CLASP2: variants seen among roughly 807,000 people sequenced by gnomAD.
CLASP2 encodes the protein CLIP-associating protein 2.
CLASP2 carries 47 observed loss-of-function variants against 194.4 expected under a neutral mutation model. That is an observed-to-expected ratio of 0.24 (90% CI 0.19 to 0.31). The LOEUF (loss-of-function observed/expected upper bound fraction) is 0.31, where lower values mean the gene tolerates loss of function less well. CLASP2 is among the 10% of genes least tolerant of loss of function. The probability of loss-of-function intolerance (pLI) is 1.00; values close to 1 mark genes in which losing one functional copy is unlikely to be tolerated. For synonymous variants in CLASP2, 619 were observed against 633.5 expected (o/e 0.98, Z 0.34); for missense variants, 1,445 against 1,823.6 (o/e 0.79, Z 3.78).
chr3:33,508,092 T>G (rs1575631382), intron 37 of CLASP2, among the ~76,000 whole-genome samples: 1 of 151,752 alleles, frequency 6.6e-6, no homozygotes, highest in African/African-American at 2.4e-5. Context: ...ATTCCCAGGC[T>G]CAGGTGATTC....
chr3:33,673,211 T>C (rs1266851120), intron 6 of CLASP2, among the ~76,000 whole-genome samples: 1 of 151,762 alleles, frequency 6.6e-6, no homozygotes, highest in Admixed American at 6.6e-5. Context: ...GGTTACCCAC[T>C]AAGGGAAGCC....
intron 25 of CLASP2, 81 bp from the exon 26 acceptor site, chr3:33,570,871 TTAAA>T: frequency 8.9e-7 from 1 of 1,119,526 alleles, no homozygotes; most frequent in Non-Finnish European, 1.2e-6. Flanking sequence ...ATAATTTTCT[TTAAA>T]AAAAAAAAAA....
intron 30 of CLASP2, among the ~76,000 whole-genome samples, chr3:33,549,083 C>T (rs2059604164): frequency 2.7e-5 from 4 of 150,396 alleles, no homozygotes; most frequent in Non-Finnish European, 1.5e-5. Context: ...TGTGCCACCA[C>T]ACCCAGCACA....
At chr3:33,625,476 T>C (rs1207541127) in intron 10 of CLASP2, among the ~76,000 whole-genome samples, 1 of 150,674 alleles carries the variant, frequency 6.6e-6, no homozygotes, top group Non-Finnish European at 1.5e-5. Flanking sequence ...GCCTGACATC[T>C]ATACCAGGTG....
intron 6 of CLASP2, chr3:33,683,130 T>G (rs2090095433): frequency 6.6e-6 from 1 of 152,204 alleles, no homozygotes; most frequent in African/African-American, 2.4e-5. Context: ...TTTTAGTAAA[T>G]CCTTGCTCAA....
intron 34 of CLASP2, among the ~76,000 whole-genome samples, chr3:33,530,763 G>A (rs970430567): frequency 2.0e-5 from 3 of 152,116 alleles, no homozygotes; most frequent in African/African-American, 4.8e-5. Context: ...GCTGTACATC[G>A]GAATTAACCA....
intron 10 of CLASP2, among the ~76,000 whole-genome samples, chr3:33,622,508 A>G (rs2154280523): frequency 6.6e-6 from 1 of 152,332 alleles, no homozygotes; most frequent in South Asian, 2.1e-4. Flanking sequence ...TATAAGCACG[A>G]CGGAGAAATG....
chr3:33,555,435 G>A (rs1044030157), intron 29 of CLASP2, among the ~76,000 whole-genome samples: 4 of 150,016 alleles, frequency 2.7e-5, no homozygotes, highest in African/African-American at 4.9e-5. Flanking sequence ...GTGTCATCTC[G>A]GCTCACTGGT....
rs548825749 is a variant in CLASP2 at position 33,508,559 on chromosome 3, C to G, written c.4317+1999G>C. 7.9e-5 allele frequency among the ~76,000 whole-genome samples: 12 copies of G among 151,976 alleles called. No homozygotes were observed. The East Asian group carries it at 2.1e-3, about 27-fold the overall frequency. On this transcript the variant is annotated intron_variant, in intron 37 of 38. Coordinates refer to ENST00000682230, the MANE Select transcript of CLASP2 (RefSeq NM_001365631.1). ...GGCCAGGCTGGTCTCGACCTCCTGA[C>G]CTCAAGTGACCTGCCCTCCTTGGCT...
At chr3:33,604,093 T>C (rs1482042120) in intron 17 of CLASP2, 61 bp downstream of exon 17, 5 of 1,269,964 alleles carry the variant, frequency 3.9e-6, no homozygotes, top group Non-Finnish European at 5.6e-6. Flanking sequence ...ATCAAAAGAG[T>C]TTGAAGGCTA....
chr3:33,576,466 C>T (rs2064911445), intron 23 of CLASP2, 191 bp from the exon 24 acceptor site: 1 of 532,702 alleles, frequency 1.9e-6, no homozygotes, highest in Non-Finnish European at 3.4e-6. Context: ...ATTAAAATTA[C>T]TGACAATGTG....
In CLASP2 at chr3:33,571,649, C is replaced by CA. The variant is rs765970729; in HGVS notation, c.2700-860dup. Among the ~76,000 whole-genome samples, 11 of 150,344 alleles carry CA rather than the reference C, an allele frequency of 7.3e-5. No homozygotes were observed. In the East Asian group the frequency reaches 1.6e-3, roughly 21 times the overall value. ...GACTCTGTCTCAAAAAAAAAAAAACCAAAAAAACAAAAACAAATCAGCTGG... is the reference window on the plus strand; with the variant it reads ...GACTCTGTCTCAAAAAAAAAAAAACCAAAAAAAACAAAAACAAATCAGCTGG... On this transcript the variant is annotated intron_variant, in intron 25 of 38. Transcript: ENST00000682230.
intron 6 of CLASP2, 32 bp downstream of exon 6, chr3:33,684,322 GAAAAA>G: frequency 2.1e-6 from 2 of 967,260 alleles, no homozygotes; most frequent in East Asian, 3.0e-5. Context: ...AACTAGTGGT[GAAAAA>G]AAAAAAAAGA....
intron 8 of CLASP2, among the ~76,000 whole-genome samples, chr3:33,640,304 A>C (rs1057042172): frequency 5.9e-5 from 9 of 152,222 alleles, no homozygotes; most frequent in African/African-American, 1.7e-4. Flanking sequence ...AAAAATGGGA[A>C]TAACTAGCAT....
In CLASP2 at chr3:33,607,397, C is replaced by G. The variant is rs1176230654; in HGVS notation, c.1513G>C (p.Val505Leu). 5 of 1,609,712 alleles carry G rather than the reference C, an allele frequency of 3.1e-6. No homozygotes were observed. Among genetic ancestry groups the G allele is most frequent in the Non-Finnish European group, 2.5e-6 (3 of 1,178,202 alleles). ...GIHDADAEARVEARKTYMGLR... is the reference protein window; with the variant it reads ...GIHDADAEARLEARKTYMGLR... ...ACACTGACTTACTTTCTTGCCTCCA[C>G]TCTGGCCTCAGCGTCAGCATCATGA... The change falls in exon 15 of 39, where the codon GTG becomes CTG. Residue 505 changes from valine to leucine, a missense_variant. By Grantham distance (32) the Val-to-Leu change is conservative. Around this residue, in one of 4 missense-constraint regions of CLASP2, gnomAD observed 207 missense variants for 331.4 expected, o/e 0.62. Transcript: ENST00000682230.
At chr3:33,634,946 TA>T (rs767900804) in intron 8 of CLASP2, among the ~76,000 whole-genome samples, 4 of 152,076 alleles carry the variant, frequency 2.6e-5, no homozygotes, top group Non-Finnish European at 5.9e-5. Context: ...TAATAATTTT[TA>T]ATGTAATATT....
chr3:33,558,239 T>C (rs1227172127), intron 29 of CLASP2: 1 of 152,230 alleles, frequency 6.6e-6, no homozygotes, highest in Non-Finnish European at 1.5e-5. Context: ...CTCTTTCTCC[T>C]GGATGCATCC....
intron 7 of CLASP2, among the ~76,000 whole-genome samples, chr3:33,647,781 TC>T (rs1258052788): frequency 1.3e-5 from 2 of 152,150 alleles, no homozygotes; most frequent in East Asian, 3.8e-4. Flanking sequence ...ACGCCTGTAA[TC>T]CCAGCACTTT....
intron 18 of CLASP2, among the ~76,000 whole-genome samples, chr3:33,602,128 C>T (rs765309392): frequency 1.3e-5 from 2 of 151,886 alleles, no homozygotes; most frequent in Non-Finnish European, 2.9e-5. Context: ...ATTCTCCTGC[C>T]TCAGCTTCCC....
Sources: gnomAD v4.1 joint callset for allele counts (sites outside exome capture counted in the v4.1 genomes callset) on GRCh38, gnomAD v4.1.1 for gene constraint, gnomAD v4.1.1 regional missense constraint, MANE v1.5 for transcripts, NCBI Gene and HGNC (gene_info 2026-07-23, HGNC 2026-07-21) for gene names.